The following SYNJ2BP variants were observed in gnomAD, a reference collection of about 807,000 sequenced individuals.
SYNJ2BP encodes synaptojanin 2 binding protein, also known as synaptojanin-2-binding protein.
A neutral mutation model predicts 16.9 loss-of-function variants in SYNJ2BP; 10 were observed. The observed-to-expected ratio is 0.59, with a 90% CI of 0.36 to 1.00. The LOEUF is 1.00. SYNJ2BP is among the 50% of genes least tolerant of loss of function. The probability of loss-of-function intolerance (pLI) is 0.01; values close to 1 mark genes in which losing one functional copy is unlikely to be tolerated. For missense variants in SYNJ2BP, 162 were observed against 186.7 expected (o/e 0.87, Z 0.77); for synonymous variants, 54 against 68.4 (o/e 0.79, Z 1.04).
chr14:70,375,392 G>A (rs1274913704), intron 3 of SYNJ2BP, among the ~76,000 whole-genome samples: 2 of 151,368 alleles, frequency 1.3e-5, no homozygotes, highest in Non-Finnish European at 2.9e-5. Context: ...TAGAGATGAG[G>A]TTTTGCTATG....
intron 1 of SYNJ2BP, among the ~76,000 whole-genome samples, chr14:70,403,751 T>C (rs1467268349): frequency 6.6e-6 from 1 of 152,204 alleles, no homozygotes; most frequent in Non-Finnish European, 1.5e-5. Flanking sequence ...GATTAGACAT[T>C]CTTTTATTTG....
Position 70,372,628 on chromosome 14 carries a change from C to G in SYNJ2BP, c.*363G>C, listed in dbSNP as rs1361100427. On this transcript the variant is annotated 3_prime_UTR_variant, in exon 4 of 4. Coordinates refer to ENST00000256366, the MANE Select transcript of SYNJ2BP (RefSeq NM_018373.3). ...TTAAAAAGAAAAATCCTTTCTTCCT[C>G]TAATATCACATAGCTGGCCTTTATG... is the stretch of plus-strand genomic sequence containing the variant. 5.9e-6 allele frequency: 1 copy of G among 170,060 alleles called. No homozygotes were observed. The highest frequency in any genetic ancestry group is 1.2e-5 in the Non-Finnish European group (1 of 80,224). 10.5% of individuals were successfully genotyped at this position (170,060 alleles called of 1,614,324 possible). A position where few individuals can be genotyped will look rare whatever the true frequency, so the allele number is the denominator to read the frequency against.
At chr14:70,393,598 A>C (rs1342563715) in intron 1 of SYNJ2BP, among the ~76,000 whole-genome samples, 1 of 152,222 alleles carries the variant, frequency 6.6e-6, no homozygotes, top group African/African-American at 2.4e-5. Context: ...TGGCACATAT[A>C]TATCATGGAA....
At chr14:70,380,554 C>T (rs1024076459) in intron 2 of SYNJ2BP, among the ~76,000 whole-genome samples, 3 of 151,186 alleles carry the variant, frequency 2.0e-5, no homozygotes, top group Non-Finnish European at 4.4e-5. Context: ...CCCAGCTACT[C>T]GGGAGGCTGA....
At chr14:70,409,478 T>C (rs1438393400) in intron 1 of SYNJ2BP, among the ~76,000 whole-genome samples, 1 of 152,222 alleles carries the variant, frequency 6.6e-6, no homozygotes, top group Non-Finnish European at 1.5e-5. Flanking sequence ...CTTCGCAAAA[T>C]GTTTCTGCAG....
Position 70,416,936 on chromosome 14 carries a change from T to C in SYNJ2BP, c.28A>G (p.Thr10Ala). Residue 10 changes from threonine to alanine, a missense_variant, in exon 1 of 4, where the codon ACT becomes GCT. Transcript: ENST00000256366. ...CTGGTAAGATTGATCTCTTCCTCAG[T>C]GACCAAATAATCCACTCTTCCGTTC... MNGRVDYLV[T>A]EEEINLTRGP... 1.2e-6 allele frequency: 2 copies of C among 1,614,184 alleles called. No homozygotes were observed. Among genetic ancestry groups the C allele is most frequent in the African/African-American group, 2.7e-5 (2 of 75,062 alleles).
At chr14:70,412,509 C>CAGTATACAGTATATATGTATGTAT (rs1888496703) in intron 1 of SYNJ2BP, among the ~76,000 whole-genome samples, 1 of 87,688 alleles carries the variant, frequency 1.1e-5, no homozygotes, top group Admixed American at 1.4e-4. Context: ...AGTATATATA[C>CAGTATACAGTATATATGTATGTAT]AGTATATATA....
intron 1 of SYNJ2BP, among the ~76,000 whole-genome samples, chr14:70,412,107 T>G (rs57439677): frequency 0.018 from 2,766 of 152,306 alleles, 86 homozygotes; most frequent in African/African-American, 0.063. Context: ...ATCTTGATTT[T>G]AGGTACTCAC....
chr14:70,415,175 A>AAC (rs1888575799), intron 1 of SYNJ2BP, among the ~76,000 whole-genome samples: 1 of 137,764 alleles, frequency 7.3e-6, no homozygotes, highest in Admixed American at 7.0e-5. Context: ...CTCGTCTCTA[A>AAC]AAAAAAAAAA....
chr14:70,406,806 C>T (rs993522587), intron 1 of SYNJ2BP, among the ~76,000 whole-genome samples: 2 of 152,154 alleles, frequency 1.3e-5, no homozygotes, highest in African/African-American at 4.8e-5. Flanking sequence ...CAACCCCCCA[C>T]CTGACAAATT....
At position 70,402,864 on chromosome 14, in the gene SYNJ2BP, A is replaced by G. The variant is rs149683561; in HGVS notation, c.64+14036T>C. 2.6e-4 allele frequency among the ~76,000 whole-genome samples: 39 copies of G among 152,268 alleles called. 1 individual carries two copies. The highest frequency in any genetic ancestry group is 9.4e-4 in the African/African-American group (39 of 41,562). ...ACTTAGCTGGCTACTTTGAAACTCT[A>G]TGTAAAATAAATTTACTTCTATAAA... On this transcript the variant is annotated intron_variant, in intron 1 of 3. Transcript: ENST00000256366.
chr14:70,397,728 TTCTC>T (rs1238204894), intron 1 of SYNJ2BP, among the ~76,000 whole-genome samples: 20 of 152,228 alleles, frequency 1.3e-4, no homozygotes, highest in Admixed American at 1.2e-3. Flanking sequence ...GTTGCAGCTC[TTCTC>T]TCTTTCTCTT....
chr14:70,405,086 C>G (rs1397429155), intron 1 of SYNJ2BP, among the ~76,000 whole-genome samples: 1 of 152,076 alleles, frequency 6.6e-6, no homozygotes, highest in Non-Finnish European at 1.5e-5. Flanking sequence ...GTAATCACAC[C>G]ACTGCACTTC....
chr14:70,381,381 A>G (rs986801509), intron 2 of SYNJ2BP, among the ~76,000 whole-genome samples: 1 of 152,248 alleles, frequency 6.6e-6, no homozygotes, highest in Non-Finnish European at 1.5e-5. Flanking sequence ...AAATGCAAAG[A>G]TAATTCTTTC....
chr14:70,391,390 G>C lies in SYNJ2BP; in HGVS notation c.65-2784C>G, dbSNP rs61977553. 2.1e-3 allele frequency among the ~76,000 whole-genome samples: 316 copies of C among 152,236 alleles called. 2 individuals carry two copies. The highest frequency in any genetic ancestry group is 7.4e-3 in the African/African-American group (309 of 41,548). ...TAACTTACTAAATGATTTTCTTAGA[G>C]CACCCTCAATTTGTATCATAGAAGG... On this transcript the variant is annotated intron_variant, in intron 1 of 3. Transcript: ENST00000256366.
At chr14:70,411,563 C>G (rs1178568682) in intron 1 of SYNJ2BP, among the ~76,000 whole-genome samples, 1 of 152,214 alleles carries the variant, frequency 6.6e-6, no homozygotes, top group Admixed American at 6.5e-5. Context: ...GGAAACTTTC[C>G]TTCTGTCCAG....
At chr14:70,381,186 G>C (rs1594944114) in intron 2 of SYNJ2BP, among the ~76,000 whole-genome samples, 1 of 152,278 alleles carries the variant, frequency 6.6e-6, no homozygotes, top group African/African-American at 2.4e-5. Flanking sequence ...CCCTCCATCT[G>C]AGTCTCCTTC....
intron 1 of SYNJ2BP, among the ~76,000 whole-genome samples, chr14:70,402,933 T>C (rs531106972): frequency 2.9e-4 from 44 of 152,320 alleles, no homozygotes; most frequent in African/African-American, 9.9e-4. Flanking sequence ...CCCAAGCAGC[T>C]AGAAATTTTT....
At chr14:70,383,022 AAGATCCTGCAATG>A (rs1887785312) in intron 2 of SYNJ2BP, among the ~76,000 whole-genome samples, 3 of 152,218 alleles carry the variant, frequency 2.0e-5, no homozygotes, top group Admixed American at 2.0e-4. Context: ...ATTTTTTACT[AAGATCCTGCAATG>A]AACCACATTT....
Sources: allele counts gnomAD v4.1 joint callset (sites outside exome capture counted in the v4.1 genomes callset), GRCh38; gene constraint gnomAD v4.1.1; transcripts MANE v1.5; gene names NCBI Gene and HGNC (gene_info 2026-07-23, HGNC 2026-07-21).